Variants in GPS1 observed in about 807,000 individuals in gnomAD.
GPS1 encodes the protein G protein pathway suppressor 1, also known as COP9 signalosome complex subunit 1.
Under a neutral mutation model 60.0 loss-of-function variants are expected in GPS1, and 11 were observed. The ratio of observed to expected loss-of-function variants is 0.18; its 90% CI spans 0.12 to 0.30. The LOEUF is 0.30. GPS1 is among the 10% of genes least tolerant of loss of function. GPS1 has a pLI of 1.00. For missense variants in GPS1, 543 were observed against 669.2 expected, an observed-to-expected ratio of 0.81 and a Z score of 2.08; for synonymous variants, 343 against 269.8, an observed-to-expected ratio of 1.27 and a Z score of -2.66.
intron 7 of GPS1, 46 bp downstream of exon 7, chr17:82,055,871 G>A (rs936342589): frequency 1.3e-6 from 2 of 1,507,538 alleles, no homozygotes; most frequent in South Asian, 1.2e-5. Flanking sequence ...TGGGCTCATG[G>A]GTCAGGCTGC....
rs2032118871 is a variant in GPS1, at chr17:82,054,822, T to C, written c.609+12T>C. 1.9e-6 allele frequency: 3 copies of C among 1,584,286 alleles called. No homozygotes were observed. The South Asian group carries it at 3.4e-5, about 18-fold the overall frequency. The stretch of plus-strand genomic sequence containing the variant: ...TCAATGTCATCAAGGTCGGCCTGCC[T>C]CGGCGGGCGGGGGTGGGCAGCATGG... On this transcript the variant is annotated intron_variant, in intron 4 of 12. Coordinates refer to ENST00000578552, the MANE Select transcript of GPS1 (RefSeq NM_001321092.3).
Position 82,054,866 on chromosome 17 carries a change from C to A in GPS1, c.610-32C>A, listed in dbSNP as rs544365812. The A allele has an allele frequency of 3.8e-6, 6 of 1,568,870 alleles. No homozygotes were observed. In the South Asian group the frequency reaches 7.1e-5, roughly 18 times the overall value. ...AGCATGGCTGGGCCATTGGGGCGCC[C>A]GGGCTCACTTGGCTCTGCGCCCCCC... On this transcript the variant is annotated intron_variant, in intron 4 of 12. Coordinates refer to ENST00000578552, the MANE Select transcript of GPS1 (RefSeq NM_001321092.3).
intron 1 of GPS1, 51 bp downstream of exon 1, chr17:82,052,015 C>T: frequency 8.8e-7 from 1 of 1,130,790 alleles, no homozygotes. Context: ...CCCCCCGCCA[C>T]TGGGGCCGGG....
At chr17:82,051,464 C>T (rs1211325095), upstream of GPS1, 35 of 1,333,218 alleles carry the variant, frequency 2.6e-5, no homozygotes, top group Non-Finnish European at 3.2e-5. This position sits in a 1 kb window ranked among gnomAD's most constrained non-coding sequence, Gnocchi z 4.1. Flanking sequence ...GGCGGGTGGG[C>T]GTGGGGCTCG....
At chr17:82,051,893 C>G, upstream of GPS1, 1 of 1,159,300 alleles carries the variant, frequency 8.6e-7, no homozygotes, top group Non-Finnish European at 1.1e-6. The surrounding 1 kb of genome is among the most constrained non-coding windows in gnomAD (Gnocchi z 4.1). Context: ...CTTCGCTGCC[C>G]CGGAAGTGGA....
chr17:82,051,441 C>T, upstream of GPS1: 6 of 1,354,684 alleles, frequency 4.4e-6, no homozygotes, highest in Non-Finnish European at 5.7e-6. The surrounding 1 kb of genome is among the most constrained non-coding windows in gnomAD (Gnocchi z 4.1). Flanking sequence ...CGGGCCTAGA[C>T]CCTGGGAGGC....
At chr17:82,055,261 C>T (rs755445171) in intron 6 of GPS1, 39 bp downstream of exon 6, 7 of 1,546,974 alleles carry the variant, frequency 4.5e-6, no homozygotes, top group African/African-American at 1.4e-5. Flanking sequence ...CCCACGTTCC[C>T]CTGTTGCTAA....
Position 82,054,939 on chromosome 17 carries a change from C to T in GPS1, c.651C>T (p.Tyr217=), listed in dbSNP as rs767019512. The T allele has an allele frequency of 9.3e-6, 15 of 1,610,986 alleles. No individual in the cohort carries two copies. The highest frequency in any genetic ancestry group is 6.7e-5 in the East Asian group (3 of 44,878). ...AGAATTGGTCTCATGTGCTCAGCTA[C>T]GTCAGCAAGGCTGAGTCCACCCCAG... is the stretch of plus-strand genomic sequence containing the variant. ...YLQNWSHVLS[Y]VSKAESTPEI... Residue 217 remains tyrosine (Y), a synonymous_variant, in exon 5 of 13, where the codon TAC becomes TAT. Coordinates refer to ENST00000578552, the MANE Select transcript of GPS1 (RefSeq NM_001321092.3).
chr17:82,055,632 A>T (rs2032437045), intron 6 of GPS1, 108 bp from the exon 7 acceptor site: 6 of 730,548 alleles, frequency 8.2e-6, no homozygotes, highest in Non-Finnish European at 1.4e-5. Flanking sequence ...GAGGCCAGCG[A>T]GCCGGCTGGT....
At position 82,057,219 on chromosome 17, in the gene GPS1, G is replaced by C; in HGVS notation, c.*92G>C. ...GCGGCTCAGTGCTGCCTGCGGCCCA[G>C]CTAAGGGGCCTGGCCACTGGGTGCC... On this transcript the variant is annotated 3_prime_UTR_variant, in exon 13 of 13. Coordinates refer to ENST00000578552, the MANE Select transcript of GPS1 (RefSeq NM_001321092.3). 6.6e-7 allele frequency: 1 copy of C among 1,519,286 alleles called. No individual in the cohort carries two copies. 94.1% of individuals were successfully genotyped at this position (1,519,286 alleles called of 1,614,324 possible).
At position 82,053,907 on chromosome 17, in the gene GPS1, C is replaced by G. The variant is rs770336572; in HGVS notation, c.166C>G (p.Arg56Gly). 2 of 1,612,354 alleles carry G rather than the reference C, an allele frequency of 1.2e-6. No homozygotes were observed. The highest frequency in any genetic ancestry group is 1.7e-6 in the Non-Finnish European group (2 of 1,179,892). ...CGCGGCCAGCTACAGCGGCCTGATG[C>G]GCATCGAACGGCTGCAGTTCATTGC... ...QYAASYSGLM[R>G]IERLQFIADH... The change falls in exon 3 of 13, where the codon CGC (arginine) becomes GGC (glycine). Residue 56 changes from arginine (R) to glycine (G), a missense_variant. Physicochemically the swap from Arg to Gly is moderately radical, Grantham distance 125. Transcript: ENST00000578552.
chr17:82,054,002 C>T lies in GPS1; in HGVS notation c.261C>T (p.Asn87=), dbSNP rs781403543. 8.7e-6 allele frequency: 14 copies of T among 1,612,616 alleles called. No individual in the cohort carries two copies. Among genetic ancestry groups the T allele is most frequent in the South Asian group, 7.7e-5 (7 of 91,026 alleles). ...TCTCCTTCGTGCAGAGAACCTTTAACGTGGACATGTACGAGGAGATCCACC... is the reference window on the plus strand; with the variant it reads ...TCTCCTTCGTGCAGAGAACCTTTAATGTGGACATGTACGAGGAGATCCACC... ...MALSFVQRTF[N]VDMYEEIHRK... Residue 87 remains asparagine (N), a synonymous_variant, in exon 3 of 13, where the codon AAC becomes AAT. Coordinates refer to ENST00000578552, the MANE Select transcript of GPS1 (RefSeq NM_001321092.3).
At chr17:82,053,426 A>AC (rs2031581239) in intron 2 of GPS1, 60 bp downstream of exon 2, 1 of 1,211,592 alleles carries the variant, frequency 8.3e-7, no homozygotes, top group Non-Finnish European at 1.1e-6. Context: ...TCCAGGGCAC[A>AC]CTCCCCGCTG....
chr17:82,056,171 C>A, intron 8 of GPS1, 76 bp downstream of exon 8: 2 of 1,376,698 alleles, frequency 1.5e-6, no homozygotes, highest in Admixed American at 1.7e-5. Context: ...CTTGCATGTC[C>A]TGGCCCCCTG....
intron 8 of GPS1, 95 bp downstream of exon 8, chr17:82,056,190 G>A (rs2032698845): frequency 5.1e-6 from 7 of 1,366,206 alleles, no homozygotes; most frequent in African/African-American, 2.9e-5. Context: ...TGGCCCCAGC[G>A]TTTTCTCAGG....
chr17:82,055,553 G>A lies in GPS1; in HGVS notation c.749-187G>A, dbSNP rs956906745. The A allele has an allele frequency of 8.2e-6, 5 of 610,852 alleles. No individual in the cohort carries two copies. The Admixed American group carries it at 8.6e-5, about 11-fold the overall frequency. 37.8% of individuals were successfully genotyped at this position (610,852 alleles called of 1,614,324 possible). A position where few individuals can be genotyped will look rare whatever the true frequency, so the allele number is the denominator to read the frequency against. On this transcript the variant is annotated intron_variant, in intron 6 of 12. Coordinates refer to ENST00000578552, the MANE Select transcript of GPS1 (RefSeq NM_001321092.3). ...GGCTTCAGGGAGCCTCCTCAGCATT[G>A]GTGGGGCTCTTTCCACCCGTGACTA... is the stretch of plus-strand genomic sequence containing the variant.
intron 4 of GPS1, 32 bp from the exon 5 acceptor site, chr17:82,054,866 C>CG (rs1299801219): frequency 1.9e-6 from 3 of 1,568,756 alleles, no homozygotes; most frequent in African/African-American, 1.3e-5. Flanking sequence ...TTGGGGCGCC[C>CG]GGGCTCACTT....
chr17:82,053,009 A>G, intron 1 of GPS1: 1 of 313,930 alleles, frequency 3.2e-6, no homozygotes, highest in Non-Finnish European at 5.8e-6. Context: ...GCTTTCAGAG[A>G]TGAGCGGCTA....
At chr17:82,054,477 C>T (rs748498826) in intron 3 of GPS1, 33 bp from the exon 4 acceptor site, 23 of 1,461,132 alleles carry the variant, frequency 1.6e-5, no homozygotes, top group South Asian at 1.3e-4. Context: ...CCCCCGTGAC[C>T]GCCGCCATCC....
Sources: gnomAD v4.1 joint callset for allele counts on GRCh38, gnomAD v4.1.1 for gene constraint, Gnocchi (gnomAD v3.1) non-coding constraint, MANE v1.5 for transcripts, NCBI Gene and HGNC (gene_info 2026-07-23, HGNC 2026-07-21) for gene names.